UBTD2: variants seen among roughly 807,000 people sequenced by gnomAD.
UBTD2 encodes the protein ubiquitin domain-containing protein 2.
UBTD2 carries 9 observed loss-of-function variants against 19.8 expected under a neutral mutation model. The observed-to-expected ratio is 0.46, with a 90% CI of 0.27 to 0.79. The LOEUF is 0.79. Among genes scored for constraint, UBTD2 ranks in the 30% least tolerant of loss-of-function variants. UBTD2 has a pLI of 0.14. For missense variants in UBTD2, 250 were observed against 300.4 expected (o/e 0.83, Z 1.24); for synonymous variants, 98 against 103.9 (o/e 0.94, Z 0.35).
chr5:172,274,850 C>A (rs1009307455), intron 1 of UBTD2, among the ~76,000 whole-genome samples: 18 of 152,098 alleles, frequency 1.2e-4, no homozygotes, highest in Admixed American at 7.2e-4. Flanking sequence ...ACCATCCTAA[C>A]ACGGTGAAAC....
At chr5:172,227,364 A>C (rs530314281) in intron 2 of UBTD2, among the ~76,000 whole-genome samples, 2 of 152,288 alleles carry the variant, frequency 1.3e-5, no homozygotes, top group South Asian at 4.1e-4. Context: ...GAGAGAGAAA[A>C]ATGATATAAC....
intron 1 of UBTD2, among the ~76,000 whole-genome samples, chr5:172,236,407 A>G (rs1440589370): frequency 6.6e-6 from 1 of 152,226 alleles, no homozygotes; most frequent in Non-Finnish European, 1.5e-5. Context: ...TATTACATTT[A>G]ATTCAAATGC....
At chr5:172,280,722 A>T (rs1755697361) in intron 1 of UBTD2, among the ~76,000 whole-genome samples, 1 of 152,310 alleles carries the variant, frequency 6.6e-6, no homozygotes, top group South Asian at 2.1e-4. Context: ...CAAGAACTAA[A>T]TTCTAGGCAA....
intron 1 of UBTD2, among the ~76,000 whole-genome samples, chr5:172,270,324 A>AAACT (rs1456383458): frequency 2.0e-5 from 3 of 150,928 alleles, no homozygotes; most frequent in African/African-American, 7.3e-5. Flanking sequence ...AAAAGTTCTG[A>AAACT]AACTAGAAGT....
At chr5:172,221,039 A>G (rs187446287) in intron 2 of UBTD2, among the ~76,000 whole-genome samples, 99 of 152,368 alleles carry the variant, frequency 6.5e-4, no homozygotes, top group African/African-American at 2.3e-3. Flanking sequence ...GAAAATAGGT[A>G]TAAGTCTAAC....
chr5:172,213,628 TTA>T (rs1771489661), intron 2 of UBTD2, among the ~76,000 whole-genome samples: 1 of 151,988 alleles, frequency 6.6e-6, no homozygotes, highest in Non-Finnish European at 1.5e-5. Flanking sequence ...AAACAAAATT[TTA>T]GAGACAAGGT....
At chr5:172,222,833 A>G (rs1771680239) in intron 2 of UBTD2, among the ~76,000 whole-genome samples, 1 of 152,236 alleles carries the variant, frequency 6.6e-6, no homozygotes, top group East Asian at 1.9e-4. Context: ...TTTAGGCTTA[A>G]TACTACAGGA....
intron 1 of UBTD2, among the ~76,000 whole-genome samples, chr5:172,271,881 A>G (rs1389559041): frequency 6.6e-6 from 1 of 151,938 alleles, no homozygotes; most frequent in Non-Finnish European, 1.5e-5. Flanking sequence ...AGCCCACTAC[A>G]ATAAATGCAA....
chr5:172,280,714 A>C lies in UBTD2; in HGVS notation c.70+2882T>G, dbSNP rs1373084975. ...AAAAAGCCTAAGTAGCTGGAGCTCA[A>C]GAACTAAATTCTAGGCAAGGTATAT... On this transcript the variant is annotated intron_variant, in intron 1 of 2. Coordinates refer to ENST00000393792, the MANE Select transcript of UBTD2 (RefSeq NM_152277.3). Among the ~76,000 whole-genome samples the C allele has an allele frequency of 3.3e-5, 5 of 152,210 alleles. No individual in the cohort carries two copies. In the East Asian group the frequency reaches 9.6e-4, roughly 29 times the overall value.
intron 2 of UBTD2, among the ~76,000 whole-genome samples, chr5:172,232,188 G>T (rs1483031768): frequency 6.6e-6 from 1 of 152,130 alleles, no homozygotes; most frequent in Non-Finnish European, 1.5e-5. Flanking sequence ...CATGAAAATT[G>T]CTTGAACCTG....
At position 172,210,341 on chromosome 5, in the gene UBTD2, T is replaced by C. The variant is rs756028782; in HGVS notation, c.*1489A>G. 5.3e-5 allele frequency: 8 copies of C among 152,218 alleles called. No individual in the cohort carries two copies. The highest frequency in any genetic ancestry group is 1.0e-4 in the Non-Finnish European group (7 of 68,034). 9.4% of individuals were successfully genotyped at this position (152,218 alleles called of 1,614,324 possible). ...AATGCACTTCACATCCAAACAGGTG[T>C]GGAGGGCTGACATTTTCCAACTGAG... On this transcript the variant is annotated 3_prime_UTR_variant, in exon 3 of 3. Coordinates refer to ENST00000393792, the MANE Select transcript of UBTD2 (RefSeq NM_152277.3).
chr5:172,213,391 G>A (rs977831771), intron 2 of UBTD2, among the ~76,000 whole-genome samples: 1 of 152,178 alleles, frequency 6.6e-6, no homozygotes, highest in African/African-American at 2.4e-5. Context: ...CAGATTCATT[G>A]CTTATCTATG....
intron 1 of UBTD2, among the ~76,000 whole-genome samples, chr5:172,264,354 C>G (rs1185223132): frequency 6.6e-6 from 1 of 151,616 alleles, no homozygotes; most frequent in Admixed American, 6.6e-5. Flanking sequence ...CAAGACCAGC[C>G]TGGTTAATGG....
At chr5:172,259,176 T>C (rs1755218325) in intron 1 of UBTD2, among the ~76,000 whole-genome samples, 1 of 152,144 alleles carries the variant, frequency 6.6e-6, no homozygotes. Context: ...AGAGTCTCGT[T>C]ATGTTACCCA....
At chr5:172,251,180 G>A (rs557543083) in intron 1 of UBTD2, among the ~76,000 whole-genome samples, 8 of 150,840 alleles carry the variant, frequency 5.3e-5, no homozygotes, top group South Asian at 2.1e-4. Flanking sequence ...TTGGCCGGGC[G>A]TGGTTGCAGG....
chr5:172,209,722 TC>T lies in UBTD2; in HGVS notation c.*2107del, dbSNP rs1771400469. 6.6e-6 allele frequency: 1 copy of T among 151,918 alleles called. No homozygotes were observed. Among genetic ancestry groups the T allele is most frequent in the Non-Finnish European group, 1.5e-5 (1 of 67,904 alleles). The allele number at this position is 151,918 out of a possible 1,614,324, so 9.4% of individuals were successfully genotyped here. A position where few individuals can be genotyped will look rare whatever the true frequency, so the allele number is the denominator to read the frequency against. ...TAAAATTATACACATCAAGTACTGGTCCAATCTTATATCAATCTATTTACAA... is the reference window on the plus strand; with the variant it reads ...TAAAATTATACACATCAAGTACTGGTCAATCTTATATCAATCTATTTACAA... On this transcript the variant is annotated 3_prime_UTR_variant, in exon 3 of 3. Transcript: ENST00000393792.
intron 2 of UBTD2, among the ~76,000 whole-genome samples, chr5:172,228,716 G>A (rs1300338011): frequency 1.3e-5 from 2 of 151,190 alleles, no homozygotes; most frequent in South Asian, 2.1e-4. Context: ...GCTAGACTCC[G>A]TCTCCAAAAA....
chr5:172,255,368 A>ATTC, intron 1 of UBTD2: 1 of 473,094 alleles, frequency 2.1e-6, no homozygotes, highest in Non-Finnish European at 4.2e-6. Context: ...ATGTAATTAG[A>ATTC]TGAGTATGAC....
At chr5:172,275,147 G>C (rs1449324821) in intron 1 of UBTD2, among the ~76,000 whole-genome samples, 1 of 152,130 alleles carries the variant, frequency 6.6e-6, no homozygotes, top group Non-Finnish European at 1.5e-5. Context: ...ACGGTGGAAG[G>C]GGCAACAAAC....
Sources: gnomAD v4.1 joint callset for allele counts (sites outside exome capture counted in the v4.1 genomes callset) on GRCh38, gnomAD v4.1.1 for gene constraint, MANE v1.5 for transcripts, NCBI Gene and HGNC (gene_info 2026-07-23, HGNC 2026-07-21) for gene names.